The following AGPS variants were observed in gnomAD, a reference collection of about 807,000 sequenced individuals.
AGPS encodes alkyldihydroxyacetonephosphate synthase, peroxisomal.
In AGPS, 26 loss-of-function variants were observed where a neutral mutation model predicts 90.7. That is an observed-to-expected ratio of 0.29 (90% CI 0.21 to 0.40). AGPS has a LOEUF of 0.40. Ranked by LOEUF, AGPS falls within the 10% of genes least tolerant of loss-of-function variation. AGPS has a pLI of 1.00. For missense variants in AGPS, 540 were observed against 816.1 expected, an observed-to-expected ratio of 0.66 and a Z score of 4.12; for synonymous variants, 294 against 285.3, an observed-to-expected ratio of 1.03 and a Z score of -0.31.
At chr2:177,451,171 G>A (rs3902850) in intron 8 of AGPS, among the ~76,000 whole-genome samples, 106,717 of 151,196 alleles carry the variant, frequency 0.71, 38,045 homozygotes, top group Admixed American at 0.78. Flanking sequence ...ATATTGCTGA[G>A]ACTGGTCTCA....
chr2:177,455,453 T>C (rs1026972585), intron 8 of AGPS, among the ~76,000 whole-genome samples: 2 of 150,658 alleles, frequency 1.3e-5, no homozygotes, highest in African/African-American at 4.9e-5. Flanking sequence ...TTTGAAAACT[T>C]TTTTTTTTTC....
intron 11 of AGPS, among the ~76,000 whole-genome samples, chr2:177,488,281 C>G (rs1224894530): frequency 1.3e-5 from 2 of 151,182 alleles, no homozygotes; most frequent in Non-Finnish European, 2.9e-5. Context: ...GGTGCCATCT[C>G]AGCTCACTGC....
intron 1 of AGPS, among the ~76,000 whole-genome samples, chr2:177,400,385 T>C (rs1345678228): frequency 6.6e-6 from 1 of 152,222 alleles, no homozygotes; most frequent in Non-Finnish European, 1.5e-5. Flanking sequence ...TCTTAAGTTT[T>C]GTAAATATAT....
intron 1 of AGPS, 127 bp downstream of exon 1, chr2:177,393,176 T>C (rs372535202): frequency 1.3e-6 from 2 of 1,545,178 alleles, no homozygotes; most frequent in Non-Finnish European, 1.7e-6. Flanking sequence ...TCCCTGAAAG[T>C]AGGGACCCAC....
chr2:177,493,009 G>A (rs1231017263), intron 11 of AGPS, 139 bp from the exon 12 acceptor site: 2 of 728,166 alleles, frequency 2.7e-6, no homozygotes, highest in Non-Finnish European at 4.5e-6. Context: ...TATATGAAAA[G>A]TTAACTTTTT....
chr2:177,493,070 A>C (rs889310489), intron 11 of AGPS, 78 bp from the exon 12 acceptor site: 136 of 1,291,638 alleles, frequency 1.1e-4, no homozygotes, highest in Non-Finnish European at 1.1e-4. Flanking sequence ...AAATATAGAA[A>C]GATAATATTC....
intron 10 of AGPS, among the ~76,000 whole-genome samples, chr2:177,481,203 A>T (rs1378658151): frequency 6.6e-6 from 1 of 152,104 alleles, no homozygotes; most frequent in Non-Finnish European, 1.5e-5. Context: ...TTTAAAAATG[A>T]TGCTCAGAAA....
intron 11 of AGPS, among the ~76,000 whole-genome samples, chr2:177,486,319 T>TTA (rs1203268382): frequency 1.3e-5 from 2 of 152,152 alleles, no homozygotes; most frequent in Non-Finnish European, 2.9e-5. Context: ...GGATAAAAGG[T>TTA]TTTATAATGG....
chr2:177,411,743 C>T (rs1685627147), intron 1 of AGPS, among the ~76,000 whole-genome samples: 1 of 152,194 alleles, frequency 6.6e-6, no homozygotes, highest in South Asian at 2.1e-4. Context: ...TAATTTGTCT[C>T]TCTCTCTCTG....
At chr2:177,507,203 A>T (rs1225690383) in intron 15 of AGPS, among the ~76,000 whole-genome samples, 1 of 152,082 alleles carries the variant, frequency 6.6e-6, no homozygotes, top group Non-Finnish European at 1.5e-5. Flanking sequence ...CCCCAAACAC[A>T]GGTGGGTTGA....
rs559959705 is a variant in AGPS, at chr2:177,458,015, G to A, written c.871-3878G>A. 1.1e-4 allele frequency among the ~76,000 whole-genome samples: 16 copies of A among 152,260 alleles called. No individual in the cohort carries two copies. The South Asian group carries it at 3.3e-3, about 32-fold the overall frequency. ...CACAAGCAAGTTGGCTTCATACCTG[G>A]GATGCAAGGCTGGTTCAACATATGC... On this transcript the variant is annotated intron_variant, in intron 8 of 19. Transcript: ENST00000264167.
Position 177,492,845 on chromosome 2 carries a change from G to A in AGPS, c.1234-303G>A, listed in dbSNP as rs116088565. ...CTTTGGGGTCTGGTATTTCTTTTAGGATATTCTCATATGTCTTTGCCAGAC... is the reference window on the plus strand; with the variant it reads ...CTTTGGGGTCTGGTATTTCTTTTAGAATATTCTCATATGTCTTTGCCAGAC... On this transcript the variant is annotated intron_variant, in intron 11 of 19. Transcript: ENST00000264167. Among the ~76,000 whole-genome samples, 720 of 152,192 alleles carry A rather than the reference G, an allele frequency of 4.7e-3. 7 individuals carry two copies. Among genetic ancestry groups the A allele is most frequent in the African/African-American group, 0.016 (661 of 41,536 alleles).
chr2:177,462,780 G>A (rs894028271), intron 9 of AGPS, among the ~76,000 whole-genome samples: 2 of 152,156 alleles, frequency 1.3e-5, no homozygotes, highest in East Asian at 3.8e-4. Flanking sequence ...TTTAAAGCAT[G>A]TGAGAGGATG....
rs2079242528 is a variant in AGPS, at chr2:177,542,154, T to A, written c.*3959T>A. Reference sequence around the variant, plus strand: ...TTTCCACTGATTTGAAAACACAAAATTTATTTTTATAATTTTGTTGCTTGT... The same window carrying A: ...TTTCCACTGATTTGAAAACACAAAAATTATTTTTATAATTTTGTTGCTTGT... On this transcript the variant is annotated 3_prime_UTR_variant, in exon 20 of 20. Transcript: ENST00000264167. The A allele has an allele frequency of 6.6e-6, 1 of 152,188 alleles. No individual in the cohort carries two copies. The highest frequency in any genetic ancestry group is 1.5e-5 in the Non-Finnish European group (1 of 68,008). The allele number at this position is 152,188 out of a possible 1,614,324, so 9.4% of individuals were successfully genotyped here.
At chr2:177,518,688 T>A (rs1027002727) in intron 17 of AGPS, among the ~76,000 whole-genome samples, 5 of 122,340 alleles carry the variant, frequency 4.1e-5, no homozygotes, top group African/African-American at 9.1e-5. Flanking sequence ...CCCTTGCCAC[T>A]ATCTATCTGT....
chr2:177,456,757 C>T (rs1030163423), intron 8 of AGPS, among the ~76,000 whole-genome samples: 1 of 151,904 alleles, frequency 6.6e-6, no homozygotes, highest in African/African-American at 2.4e-5. Context: ...AGTGTAACAC[C>T]GCACTGTTAA....
At chr2:177,436,677 T>G (rs568037213) in intron 3 of AGPS, 87 bp from the exon 4 acceptor site, 2 of 1,331,178 alleles carry the variant, frequency 1.5e-6, no homozygotes. Flanking sequence ...TAAAAAAAAG[T>G]CTACATTTTA....
chr2:177,488,463 G>A (rs1688160247), intron 11 of AGPS, among the ~76,000 whole-genome samples: 1 of 152,092 alleles, frequency 6.6e-6, no homozygotes, highest in Non-Finnish European at 1.5e-5. Context: ...TGATCCACCT[G>A]CCTCAGCCTC....
chr2:177,458,364 A>G (rs1659278340), intron 8 of AGPS, among the ~76,000 whole-genome samples: 4 of 152,228 alleles, frequency 2.6e-5, no homozygotes. Flanking sequence ...AGAAAGAAAT[A>G]AAGCGTATTC....
Sources: allele counts gnomAD v4.1 joint callset (sites outside exome capture counted in the v4.1 genomes callset), GRCh38; gene constraint gnomAD v4.1.1; transcripts MANE v1.5; gene names NCBI Gene and HGNC (gene_info 2026-07-23, HGNC 2026-07-21).